LMX1B: variants seen among roughly 807,000 people sequenced by gnomAD.
LMX1B encodes LIM homeobox transcription factor 1-beta.
LMX1B carries 12 observed loss-of-function variants against 51.4 expected under a neutral mutation model. The ratio of observed to expected loss-of-function variants is 0.23; its 90% CI spans 0.15 to 0.38. LMX1B has a LOEUF of 0.38. LMX1B is among the 10% of genes least tolerant of loss of function. The pLI, the probability that LMX1B is intolerant of heterozygous loss-of-function variation, is 1.00. For synonymous variants in LMX1B, 237 were observed against 235.4 expected (o/e 1.01, Z -0.06); for missense variants, 445 against 571.1 (o/e 0.78, Z 2.25).
intron 2 of LMX1B, among the ~76,000 whole-genome samples, chr9:126,669,877 T>G (rs1258215826): frequency 6.6e-6 from 1 of 152,094 alleles, no homozygotes; most frequent in Non-Finnish European, 1.5e-5. Context: ...CCCCAGGTAC[T>G]CCCCAGGCCA....
In LMX1B at chr9:126,697,755, G is replaced by A. The variant is rs73596779; in HGVS notation, c.*1304G>A. On this transcript the variant is annotated 3_prime_UTR_variant, in exon 8 of 8. Transcript: ENST00000373474. ...CCTTAGAGATTCACCCTGCCCTGCT[G>A]TAGCTAAATCCCTGGGCCCCACACG... is the stretch of plus-strand genomic sequence containing the variant. 0.058 allele frequency: 8,892 copies of A among 152,524 alleles called. 773 individuals are homozygous for A. The highest frequency in any genetic ancestry group is 0.19 in the African/African-American group (7,848 of 41,476). 9.4% of individuals were successfully genotyped at this position (152,524 alleles called of 1,614,324 possible). A position where few individuals can be genotyped will look rare whatever the true frequency, so the allele number is the denominator to read the frequency against.
intron 2 of LMX1B, among the ~76,000 whole-genome samples, chr9:126,655,393 C>T (rs1276353847): frequency 1.3e-5 from 2 of 152,072 alleles, no homozygotes; most frequent in Admixed American, 6.5e-5. Flanking sequence ...AGGGAGCTGG[C>T]CAGGGACACC....
At chr9:126,660,598 G>A (rs1461102631) in intron 2 of LMX1B, among the ~76,000 whole-genome samples, 1 of 152,216 alleles carries the variant, frequency 6.6e-6, no homozygotes, top group African/African-American at 2.4e-5. Context: ...ACTGGTCACT[G>A]TGAGAGTTAA....
At position 126,615,456 on chromosome 9, in the gene LMX1B, C is replaced by G. The variant is rs552393669; in HGVS notation, c.213C>G (p.Val71=). 2.5e-6 allele frequency: 4 copies of G among 1,609,792 alleles called. No homozygotes were observed. In the East Asian group the frequency reaches 6.7e-5, roughly 27 times the overall value. Residue 71 remains valine (V), a synonymous_variant, in exon 2 of 8, where the codon GTC becomes GTG. Transcript: ENST00000373474. This position sits in a 1 kb window ranked among gnomAD's most constrained non-coding sequence, Gnocchi z 6.0. The part of the protein sequence containing the change: ...RPISDRFLMR[V]NESSWHEECL... Reference sequence around the variant, plus strand: ...TCTCCGACCGCTTCCTGATGCGAGTCAACGAGTCGTCCTGGCACGAGGAGT... The same window carrying G: ...TCTCCGACCGCTTCCTGATGCGAGTGAACGAGTCGTCCTGGCACGAGGAGT...
In LMX1B at chr9:126,641,656, G is replaced by A. The variant is rs931376272; in HGVS notation, c.326+26087G>A. ...TGTCCTTGAGCCAGTCCCTCCGCTGGAACCCACCACGCTGCTTGCTGAGCT... is the reference window on the plus strand; with the variant it reads ...TGTCCTTGAGCCAGTCCCTCCGCTGAAACCCACCACGCTGCTTGCTGAGCT... On this transcript the variant is annotated intron_variant, in intron 2 of 7. Transcript: ENST00000373474. This position sits in a 1 kb window ranked among gnomAD's most constrained non-coding sequence, Gnocchi z 4.1. Among the ~76,000 whole-genome samples, 2 of 152,112 alleles carry A rather than the reference G, an allele frequency of 1.3e-5. No individual in the cohort carries two copies. The highest frequency in any genetic ancestry group is 2.9e-5 in the Non-Finnish European group (2 of 68,010).
intron 2 of LMX1B, among the ~76,000 whole-genome samples, chr9:126,637,585 CAG>C (rs1303611996): frequency 1.3e-5 from 2 of 152,122 alleles, no homozygotes; most frequent in East Asian, 3.9e-4. Flanking sequence ...GCTAATGTGT[CAG>C]GGCATGGGAA....
At chr9:126,650,940 T>C (rs1030023400) in intron 2 of LMX1B, among the ~76,000 whole-genome samples, 1 of 152,202 alleles carries the variant, frequency 6.6e-6, no homozygotes, top group East Asian at 1.9e-4. Flanking sequence ...GAACAGTATG[T>C]GTCATGTAGC....
At chr9:126,663,672 T>G (rs1836287677) in intron 2 of LMX1B, among the ~76,000 whole-genome samples, 1 of 152,260 alleles carries the variant, frequency 6.6e-6, no homozygotes, top group Non-Finnish European at 1.5e-5. Context: ...CTGCCTCCAT[T>G]GTTATCACCA....
At chr9:126,666,196 G>T (rs935605624) in intron 2 of LMX1B, among the ~76,000 whole-genome samples, 5 of 152,216 alleles carry the variant, frequency 3.3e-5, no homozygotes, top group African/African-American at 4.8e-5. Flanking sequence ...ACCACCTCCT[G>T]GGGGGCAGCC....
At chr9:126,616,789 G>A (rs1835310730) in intron 2 of LMX1B, among the ~76,000 whole-genome samples, 1 of 152,232 alleles carries the variant, frequency 6.6e-6, no homozygotes, top group Non-Finnish European at 1.5e-5. Flanking sequence ...TTTAACTGAG[G>A]CCTGGAAACA....
At chr9:126,664,832 G>A (rs1409515040) in intron 2 of LMX1B, among the ~76,000 whole-genome samples, 1 of 152,180 alleles carries the variant, frequency 6.6e-6, no homozygotes, top group South Asian at 2.1e-4. Context: ...CCAAGATCAC[G>A]CCATCGCAGT....
rs1835243219 is a variant in LMX1B, at chr9:126,614,053, C to G, written c.-397C>G. 2.2e-5 allele frequency among the ~76,000 whole-genome samples: 3 copies of G among 134,570 alleles called. No homozygotes were observed. The highest frequency in any genetic ancestry group is 2.1e-4 in the Admixed American group (3 of 14,004). The allele number at this position is 134,570 out of a possible 152,430, so 88.3% of individuals were successfully genotyped here. ...GACCCCGCTGCGCCGCGCGCCCCCC[C>G]CGCGGCCCGCGGGGCCGCCCCTGCA... is the stretch of plus-strand genomic sequence containing the variant. On this transcript the variant is annotated 5_prime_UTR_variant, in exon 1 of 8. Coordinates refer to ENST00000373474, the MANE Select transcript of LMX1B (RefSeq NM_001174147.2).
intron 2 of LMX1B, among the ~76,000 whole-genome samples, chr9:126,689,305 C>CGGCA (rs1243444408): frequency 6.6e-6 from 1 of 152,176 alleles, no homozygotes; most frequent in African/African-American, 2.4e-5. Context: ...GCGGTTCTGA[C>CGGCA]GGCAGCTCCA....
At chr9:126,630,177 A>G (rs1835608127) in intron 2 of LMX1B, among the ~76,000 whole-genome samples, 2 of 151,824 alleles carry the variant, frequency 1.3e-5, no homozygotes, top group East Asian at 3.9e-4. Flanking sequence ...AAAAAAAAAA[A>G]AAAGCACTAT....
chr9:126,614,762 G>A (rs1000957670), intron 1 of LMX1B, among the ~76,000 whole-genome samples, 174 bp downstream of exon 1: 24 of 152,280 alleles, frequency 1.6e-4, no homozygotes, highest in Admixed American at 1.5e-3. Context: ...TACGCCTCCG[G>A]CAGGCGTCCT....
At position 126,677,565 on chromosome 9, in the gene LMX1B, G is replaced by C. The variant is rs1836586394; in HGVS notation, c.327-13271G>C. Reference sequence around the variant, plus strand: ...GAGTGTGGTGGTTACCAGCCCAGCTGACCTGGGGCCCCAGCTCTGCATTTC... The same window carrying C: ...GAGTGTGGTGGTTACCAGCCCAGCTCACCTGGGGCCCCAGCTCTGCATTTC... On this transcript the variant is annotated intron_variant, in intron 2 of 7. Coordinates refer to ENST00000373474, the MANE Select transcript of LMX1B (RefSeq NM_001174147.2). This position sits in a 1 kb window ranked among gnomAD's most constrained non-coding sequence, Gnocchi z 5.0. Among the ~76,000 whole-genome samples the C allele has an allele frequency of 6.6e-6, 1 of 152,174 alleles. No individual in the cohort carries two copies. Among genetic ancestry groups the C allele is most frequent in the African/African-American group, 2.4e-5 (1 of 41,428 alleles).
intron 2 of LMX1B, among the ~76,000 whole-genome samples, chr9:126,617,444 T>C (rs1428643500): frequency 6.6e-6 from 1 of 151,432 alleles, no homozygotes; most frequent in African/African-American, 2.4e-5. Context: ...CGCGTGTACA[T>C]ATTCTGCCCT....
intron 7 of LMX1B, 40 bp downstream of exon 7, chr9:126,696,043 C>T: frequency 1.4e-6 from 2 of 1,463,022 alleles, no homozygotes; most frequent in Non-Finnish European, 9.1e-7. Flanking sequence ...CCAGCACAGC[C>T]CCTGCCCCCT....
chr9:126,685,234 G>C (rs377448664), intron 2 of LMX1B, among the ~76,000 whole-genome samples: 2 of 152,122 alleles, frequency 1.3e-5, no homozygotes, highest in African/African-American at 4.8e-5. Flanking sequence ...GCCAGGCCTT[G>C]GAAGCAGATG....
Sources: gnomAD v4.1 joint callset for allele counts (sites outside exome capture counted in the v4.1 genomes callset) on GRCh38, gnomAD v4.1.1 for gene constraint, Gnocchi (gnomAD v3.1) non-coding constraint, MANE v1.5 for transcripts, NCBI Gene and HGNC (gene_info 2026-07-23, HGNC 2026-07-21) for gene names.